The following NXPH1 variants were observed in gnomAD, a reference collection of about 807,000 sequenced individuals.
The protein encoded by NXPH1 is neurexophilin-1.
NXPH1 carries 5 observed loss-of-function variants against 23.7 expected under a neutral mutation model. The ratio of observed to expected loss-of-function variants is 0.21; its 90% confidence interval spans 0.11 to 0.44. NXPH1 has a LOEUF of 0.44. Ranked by LOEUF, NXPH1 falls within the 20% of genes least tolerant of loss-of-function variation. The pLI is 0.99. For missense variants in NXPH1, 324 were observed against 321.6 expected (o/e 1.01, Z -0.06); for synonymous variants, 144 against 122.2 (o/e 1.18, Z -1.18).
intron 2 of NXPH1, among the ~76,000 whole-genome samples, chr7:8,527,848 G>C (rs1817889730): frequency 6.6e-6 from 1 of 152,200 alleles, no homozygotes; most frequent in Non-Finnish European, 1.5e-5. Flanking sequence ...TTTTTAGTGT[G>C]AGAGATGGGA....
At chr7:8,695,548 GCTA>G (rs1334067126) in intron 2 of NXPH1, among the ~76,000 whole-genome samples, 3 of 151,792 alleles carry the variant, frequency 2.0e-5, no homozygotes, top group African/African-American at 7.3e-5. Context: ...TAACTACATT[GCTA>G]TTTATATGAC....
chr7:8,531,758 C>T (rs1266083461), intron 2 of NXPH1, among the ~76,000 whole-genome samples: 2 of 152,132 alleles, frequency 1.3e-5, no homozygotes, highest in African/African-American at 4.8e-5. Flanking sequence ...TTGGGGATGC[C>T]TCCATTGTGA....
intron 2 of NXPH1, among the ~76,000 whole-genome samples, chr7:8,612,248 T>TCTTCCTAACTTCCTTC (rs1336296747): frequency 6.6e-6 from 1 of 151,460 alleles, no homozygotes; most frequent in Admixed American, 6.6e-5. Flanking sequence ...CCCCTTCCTT[T>TCTTCCTAACTTCCTTC]CTTCCTACCT....
rs1407630088 is a variant in NXPH1, at chr7:8,489,904, C to G, written c.54+54137C>G. On this transcript the variant is annotated intron_variant, in intron 2 of 2. Coordinates refer to ENST00000405863, the MANE Select transcript of NXPH1 (RefSeq NM_152745.3). ...CTGGGTCATGTTTTGGTCTGATGCC[C>G]TGGTTCAAGGTAAATTGGTTCTTGA... 2.0e-5 allele frequency among the ~76,000 whole-genome samples: 3 copies of G among 152,070 alleles called. No homozygotes were observed. In the East Asian group the frequency reaches 5.8e-4, roughly 29 times the overall value.
intron 2 of NXPH1, among the ~76,000 whole-genome samples, chr7:8,555,299 C>G (rs910097530): frequency 2.0e-5 from 3 of 151,632 alleles, no homozygotes; most frequent in African/African-American, 7.3e-5. Flanking sequence ...GATATGGTCA[C>G]TTTGCTTTTA....
At chr7:8,649,988 G>A (rs1160668661) in intron 2 of NXPH1, among the ~76,000 whole-genome samples, 1 of 151,738 alleles carries the variant, frequency 6.6e-6, no homozygotes, top group Non-Finnish European at 1.5e-5. Context: ...TCAGTGAATT[G>A]GACATTGGAC....
Position 8,449,257 on chromosome 7 carries a change from T to A in NXPH1, c.54+13490T>A, listed in dbSNP as rs1361076802. Among the ~76,000 whole-genome samples the A allele has an allele frequency of 2.6e-5, 4 of 152,208 alleles. No homozygotes were observed. In the East Asian group the frequency reaches 7.7e-4, roughly 29 times the overall value. On this transcript the variant is annotated intron_variant, in intron 2 of 2. Transcript: ENST00000405863. Reference sequence around the variant, plus strand: ...TATCCCTCTCATATGCTGCTAAAAATATCTTGTATAGGTTACCCTATGCCC... The same window carrying A: ...TATCCCTCTCATATGCTGCTAAAAAAATCTTGTATAGGTTACCCTATGCCC...
At chr7:8,473,000 A>C (rs1192605710) in intron 2 of NXPH1, among the ~76,000 whole-genome samples, 1 of 152,152 alleles carries the variant, frequency 6.6e-6, no homozygotes, top group Admixed American at 6.5e-5. Flanking sequence ...CTTCCATAAG[A>C]GGCACATATT....
At chr7:8,464,751 TA>T (rs1174858915) in intron 2 of NXPH1, among the ~76,000 whole-genome samples, 3 of 129,080 alleles carry the variant, frequency 2.3e-5, no homozygotes, top group Admixed American at 8.1e-5. Flanking sequence ...GTAATGCGTG[TA>T]GTGTTTTTTT....
chr7:8,655,481 C>CACACACACAT (rs1362671125), intron 2 of NXPH1, among the ~76,000 whole-genome samples: 1 of 122,440 alleles, frequency 8.2e-6, no homozygotes, highest in African/African-American at 2.9e-5. Flanking sequence ...CACACACACA[C>CACACACACAT]ATCAGATATG....
intron 2 of NXPH1, among the ~76,000 whole-genome samples, chr7:8,608,403 C>T (rs1307460524): frequency 6.6e-6 from 1 of 151,070 alleles, no homozygotes; most frequent in East Asian, 1.9e-4. Context: ...TCACAACTCA[C>T]TGCAACTTCA....
intron 2 of NXPH1, among the ~76,000 whole-genome samples, chr7:8,518,189 A>G (rs1304300815): frequency 2.0e-5 from 3 of 152,178 alleles, no homozygotes; most frequent in Non-Finnish European, 2.9e-5. Flanking sequence ...TATGAAATTC[A>G]AGGAAAAACC....
At chr7:8,512,978 A>T (rs1264226266) in intron 2 of NXPH1, among the ~76,000 whole-genome samples, 1 of 152,138 alleles carries the variant, frequency 6.6e-6, no homozygotes, top group Non-Finnish European at 1.5e-5. Flanking sequence ...TGGTACAGGA[A>T]GATGAAGCTA....
At chr7:8,436,438 T>C (rs566246886) in intron 2 of NXPH1, among the ~76,000 whole-genome samples, 3 of 152,314 alleles carry the variant, frequency 2.0e-5, no homozygotes, top group Non-Finnish European at 2.9e-5. Flanking sequence ...GTAGGCCTTG[T>C]CGCCAGGGAG....
chr7:8,608,922 C>T (rs1201791836), intron 2 of NXPH1, among the ~76,000 whole-genome samples: 1 of 152,044 alleles, frequency 6.6e-6, no homozygotes, highest in African/African-American at 2.4e-5. Context: ...AAAATGAGAA[C>T]AGGGATATAT....
intron 2 of NXPH1, among the ~76,000 whole-genome samples, chr7:8,514,636 A>G: frequency 6.6e-6 from 1 of 152,170 alleles, no homozygotes; most frequent in East Asian, 1.9e-4. Flanking sequence ...CCAAGTGGGT[A>G]GATCCCATCA....
At chr7:8,553,987 A>C (rs1818315746) in intron 2 of NXPH1, among the ~76,000 whole-genome samples, 1 of 151,586 alleles carries the variant, frequency 6.6e-6, no homozygotes, top group Non-Finnish European at 1.5e-5. Flanking sequence ...TGTGGAATTT[A>C]GTATTGAATC....
intron 2 of NXPH1, among the ~76,000 whole-genome samples, chr7:8,549,516 T>C (rs1310864909): frequency 1.3e-5 from 2 of 151,496 alleles, no homozygotes; most frequent in Non-Finnish European, 3.0e-5. Flanking sequence ...CTGTTTTGAG[T>C]AAGTTGTTTC....
chr7:8,542,486 G>A lies in NXPH1; in HGVS notation c.54+106719G>A, dbSNP rs527540942. Among the ~76,000 whole-genome samples the A allele has an allele frequency of 2.0e-5, 3 of 151,570 alleles. 1 individual carries two copies. The South Asian group carries it at 6.2e-4, about 31-fold the overall frequency. ...ACCAAAAAATTGATCTAATCTGCAG[G>A]TATAGAAAACTCTATGCAACAAGAG... On this transcript the variant is annotated intron_variant, in intron 2 of 2. Coordinates refer to ENST00000405863, the MANE Select transcript of NXPH1 (RefSeq NM_152745.3).
Sources: gnomAD v4.1 joint callset for allele counts (sites outside exome capture counted in the v4.1 genomes callset) on GRCh38, gnomAD v4.1.1 for gene constraint, MANE v1.5 for transcripts, NCBI Gene and HGNC (gene_info 2026-07-23, HGNC 2026-07-21) for gene names.